The following SND1 variants were observed in gnomAD, a reference collection of about 807,000 sequenced individuals.
SND1 encodes staphylococcal nuclease and tudor domain containing 1, also known as staphylococcal nuclease domain-containing protein 1.
SND1 carries 38 observed loss-of-function variants against 121.7 expected under a neutral mutation model. The ratio of observed to expected loss-of-function variants is 0.31; its 90% CI spans 0.24 to 0.41. The LOEUF (loss-of-function observed/expected upper bound fraction) is 0.41, where lower values mean the gene tolerates loss of function less well. SND1 is among the 10% of genes least tolerant of loss of function. The pLI is 1.00. For synonymous variants in SND1, 401 were observed against 447.4 expected (o/e 0.90, Z 1.31); for missense variants, 868 against 1,184.6 (o/e 0.73, Z 3.92).
chr7:127,721,420 C>T lies in SND1; in HGVS notation c.1152+20C>T, dbSNP rs773747230. On this transcript the variant is annotated intron_variant, in intron 10 of 23. Transcript: ENST00000354725. ...ACCCAGGTGAGAATAGGGAAGCAGC[C>T]GCGCCTCTTTGCATAAACCAAAAGG... 70 of 1,454,348 alleles carry T rather than the reference C, an allele frequency of 4.8e-5. No individual in the cohort carries two copies. In the Middle Eastern group the frequency reaches 7.0e-4, roughly 15 times the overall value. 90.1% of individuals were successfully genotyped at this position (1,454,348 alleles called of 1,614,324 possible).
intron 1 of SND1, among the ~76,000 whole-genome samples, chr7:127,659,777 TGG>T (rs1410639911): frequency 6.6e-6 from 1 of 152,172 alleles, no homozygotes; most frequent in Non-Finnish European, 1.5e-5. Context: ...TGCTGCCATT[TGG>T]GTAATGTTGG....
intron 13 of SND1, among the ~76,000 whole-genome samples, chr7:127,891,160 G>A (rs17151488): frequency 6.6e-6 from 1 of 151,904 alleles, no homozygotes; most frequent in African/African-American, 2.4e-5. Context: ...TTGCTAGATA[G>A]GAATGGTGGT....
chr7:128,084,756 C>A lies in SND1; in HGVS notation c.2143C>A (p.Arg715Ser). ...TQLEKLMENM[R>S]NDIASHPPVE... Reference sequence around the variant, plus strand: ...GTTGGAGAAGCTGATGGAGAACATGCGCAATGACATTGCCAGTCACCCCCC... The same window carrying A: ...GTTGGAGAAGCTGATGGAGAACATGAGCAATGACATTGCCAGTCACCCCCC... Residue 715 changes from arginine to serine, a missense_variant, in exon 19 of 24, where the codon CGC becomes AGC. This residue lies in a region of SND1 where 743 missense variants were observed against 1,071.3 expected (regional missense o/e 0.69). Transcript: ENST00000354725. 1 of 1,609,780 alleles carries A rather than the reference C, an allele frequency of 6.2e-7. No individual in the cohort carries two copies. The highest frequency in any genetic ancestry group is 8.5e-7 in the Non-Finnish European group (1 of 1,177,362).
chr7:128,040,437 TAAAAAAAAAAAAAAAAAAA>T (rs67595921), intron 16 of SND1, among the ~76,000 whole-genome samples: 2 of 32,870 alleles, frequency 6.1e-5, no homozygotes, highest in Non-Finnish European at 1.1e-4. Flanking sequence ...GTCCTATCTT[TAAAAAAAAAAAAAAAAAAA>T]AAAAAAAAAA....
intron 16 of SND1, among the ~76,000 whole-genome samples, chr7:128,014,753 TGA>T (rs966256425): frequency 2.0e-5 from 3 of 152,126 alleles, no homozygotes; most frequent in Non-Finnish European, 4.4e-5. Context: ...CGGGCAGTTG[TGA>T]GAGAGAACAG....
chr7:127,982,780 C>T (rs1476386465), intron 15 of SND1, among the ~76,000 whole-genome samples: 5 of 152,144 alleles, frequency 3.3e-5, no homozygotes, highest in Admixed American at 1.3e-4. Flanking sequence ...TCATTGACAT[C>T]GTTTGCAACC....
chr7:128,042,919 A>G (rs1792880350), intron 16 of SND1, among the ~76,000 whole-genome samples: 1 of 152,246 alleles, frequency 6.6e-6, no homozygotes, highest in Admixed American at 6.5e-5. Context: ...TTCTAACCAC[A>G]TAACCTTGAC....
intron 14 of SND1, among the ~76,000 whole-genome samples, chr7:127,926,459 T>A (rs542399001): frequency 6.6e-6 from 1 of 152,190 alleles, no homozygotes; most frequent in Admixed American, 6.5e-5. Context: ...GGGAACTCCA[T>A]GTTCTTACCT....
rs1793695064 is a variant in SND1 at position 128,086,857 on chromosome 7, G to A, written c.2305-81G>A. The A allele has an allele frequency of 5.2e-6, 6 of 1,154,366 alleles. No homozygotes were observed. The East Asian group carries it at 1.4e-4, about 28-fold the overall frequency. 71.5% of individuals were successfully genotyped at this position (1,154,366 alleles called of 1,614,324 possible). ...TGGCCCAGAGTTAGCATTCCCAGAGGCCTGGCCACAGAGAGCTGTCCTGTG... is the reference window on the plus strand; with the variant it reads ...TGGCCCAGAGTTAGCATTCCCAGAGACCTGGCCACAGAGAGCTGTCCTGTG... On this transcript the variant is annotated intron_variant, in intron 20 of 23. Coordinates refer to ENST00000354725, the MANE Select transcript of SND1 (RefSeq NM_014390.4).
intron 3 of SND1, among the ~76,000 whole-genome samples, chr7:127,695,824 C>CA (rs1587602277): frequency 6.6e-6 from 1 of 151,766 alleles, no homozygotes; most frequent in East Asian, 1.9e-4. Context: ...AGATCCTGGT[C>CA]AAAAAACAAA....
intron 5 of SND1, 113 bp downstream of exon 5, chr7:127,701,436 TCC>T: frequency 1.8e-6 from 2 of 1,113,158 alleles, no homozygotes; most frequent in Non-Finnish European, 2.5e-6. Context: ...TTATTTAGTA[TCC>T]ATGGGAAATC....
chr7:127,885,478 A>G (rs1799884939), intron 12 of SND1, among the ~76,000 whole-genome samples: 1 of 152,140 alleles, frequency 6.6e-6, no homozygotes, highest in Admixed American at 6.6e-5. Context: ...GAGAGAAGAA[A>G]GTTAGTGGGC....
chr7:127,677,485 T>C (rs1269125742), intron 1 of SND1, among the ~76,000 whole-genome samples: 1 of 152,220 alleles, frequency 6.6e-6, no homozygotes, highest in Non-Finnish European at 1.5e-5. Context: ...GCCATGCACT[T>C]GCTATTTAGA....
intron 12 of SND1, among the ~76,000 whole-genome samples, chr7:127,881,610 G>A (rs1454071696): frequency 8.5e-5 from 13 of 152,122 alleles, no homozygotes; most frequent in Non-Finnish European, 1.3e-4. Context: ...ATTACCTTTG[G>A]CTGTAAATAT....
At chr7:127,983,179 G>C (rs1464216697) in intron 15 of SND1, among the ~76,000 whole-genome samples, 1 of 152,160 alleles carries the variant, frequency 6.6e-6, no homozygotes, top group Non-Finnish European at 1.5e-5. Context: ...TGGGAAGAAG[G>C]GTGGTATGGG....
chr7:127,706,228 C>T (rs556327698), intron 8 of SND1, among the ~76,000 whole-genome samples: 1,638 of 119,580 alleles, frequency 0.014, 37 homozygotes, highest in Middle Eastern at 0.054. Context: ...ATTTTTTTTG[C>T]ATTCTTTAAT....
At chr7:128,068,285 G>A (rs927162148) in intron 16 of SND1, among the ~76,000 whole-genome samples, 12 of 139,934 alleles carry the variant, frequency 8.6e-5, no homozygotes, top group African/African-American at 3.3e-4. Context: ...TCTTTCTTTA[G>A]GAAAGATTTC....
intron 10 of SND1, among the ~76,000 whole-genome samples, chr7:127,806,268 G>A (rs1798236339): frequency 6.6e-6 from 1 of 151,964 alleles, no homozygotes; most frequent in South Asian, 2.1e-4. Flanking sequence ...CTACACCATT[G>A]TCAGTTCCCG....
chr7:127,865,156 A>G (rs1379685322), intron 12 of SND1, among the ~76,000 whole-genome samples: 3 of 152,206 alleles, frequency 2.0e-5, no homozygotes, highest in African/African-American at 4.8e-5. Context: ...GAGAAACACT[A>G]TTGATGATTA....
Sources: gnomAD v4.1 joint callset for allele counts (sites outside exome capture counted in the v4.1 genomes callset) on GRCh38, gnomAD v4.1.1 for gene constraint, gnomAD v4.1.1 regional missense constraint, MANE v1.5 for transcripts, NCBI Gene and HGNC (gene_info 2026-07-23, HGNC 2026-07-21) for gene names.